Variants in PABPC4L observed in about 807,000 individuals in gnomAD.
The protein encoded by PABPC4L is poly(A) binding protein cytoplasmic 4 like, also known as polyadenylate-binding protein 4-like.
For missense variants in PABPC4L, 452 were observed against 451.4 expected (o/e 1.00, Z -0.01); for synonymous variants, 169 against 164.1 (o/e 1.03, Z -0.23).
chr4:133,955,924 T>A, the PABPC4L span, among the ~76,000 whole-genome samples: 1 of 152,296 alleles, frequency 6.6e-6, no homozygotes, highest in East Asian at 1.9e-4. Flanking sequence ...CCCCTGGTTA[T>A]TGGATGTGTC....
the PABPC4L span, among the ~76,000 whole-genome samples, chr4:134,189,492 C>T: frequency 7.2e-5 from 11 of 151,804 alleles, 1 homozygote; most frequent in Middle Eastern, 6.8e-3. Flanking sequence ...TACATATATA[C>T]ATGGTATAAA....
the PABPC4L span, among the ~76,000 whole-genome samples, chr4:133,969,171 C>G: frequency 6.6e-6 from 1 of 152,184 alleles, no homozygotes; most frequent in African/African-American, 2.4e-5. Flanking sequence ...ACTCTATATA[C>G]ACTTGATACA....
the PABPC4L span, among the ~76,000 whole-genome samples, chr4:134,026,861 G>T: frequency 6.6e-6 from 1 of 151,998 alleles, no homozygotes; most frequent in Admixed American, 6.6e-5. Flanking sequence ...AAGATTGCCA[G>T]ACAAACATCA....
chr4:133,998,754 T>C, the PABPC4L span, among the ~76,000 whole-genome samples: 1 of 152,060 alleles, frequency 6.6e-6, no homozygotes, highest in Admixed American at 6.6e-5. Context: ...TTTTCTAATG[T>C]TGGCATGGAG....
At chr4:134,043,541 C>T in the PABPC4L span, among the ~76,000 whole-genome samples, 3 of 151,906 alleles carry the variant, frequency 2.0e-5, 1 homozygote, top group Non-Finnish European at 4.4e-5. Context: ...ATTATTGCAC[C>T]AACCTAATAT....
At chr4:134,050,171 T>C in the PABPC4L span, among the ~76,000 whole-genome samples, 1 of 152,102 alleles carries the variant, frequency 6.6e-6, no homozygotes, top group Non-Finnish European at 1.5e-5. Context: ...TTTTTCAACA[T>C]CATGGGTTTG....
At chr4:134,144,640 T>C in the PABPC4L span, among the ~76,000 whole-genome samples, 32 of 151,368 alleles carry the variant, frequency 2.1e-4, no homozygotes, top group African/African-American at 6.8e-4. Flanking sequence ...TTAAACCTAC[T>C]ATAAACTAGT....
At chr4:133,985,731 T>A in the PABPC4L span, among the ~76,000 whole-genome samples, 1 of 152,016 alleles carries the variant, frequency 6.6e-6, no homozygotes, top group South Asian at 2.1e-4. Flanking sequence ...TGTTTTTGTT[T>A]TGTCATCTCT....
chr4:134,124,577 C>T, the PABPC4L span, among the ~76,000 whole-genome samples: 1 of 152,034 alleles, frequency 6.6e-6, no homozygotes, highest in Non-Finnish European at 1.5e-5. Context: ...ATTTACATTT[C>T]TTTCTATATT....
At chr4:134,186,996 C>T in the PABPC4L span, among the ~76,000 whole-genome samples, 174 of 152,138 alleles carry the variant, frequency 1.1e-3, no homozygotes, top group South Asian at 0.024. Context: ...CAATGAGATA[C>T]CATCTCACAC....
the PABPC4L span, among the ~76,000 whole-genome samples, chr4:134,133,366 TTA>T: frequency 7.0e-6 from 1 of 143,172 alleles, no homozygotes; most frequent in African/African-American, 2.6e-5. Flanking sequence ...TATATAATTG[TTA>T]TATAATTATA....
At chr4:134,076,589 G>A in the PABPC4L span, among the ~76,000 whole-genome samples, 1 of 152,084 alleles carries the variant, frequency 6.6e-6, no homozygotes, top group Admixed American at 6.6e-5. Context: ...GTAACTAGTG[G>A]TACCATTTTG....
chr4:134,184,677 A>G, the PABPC4L span, among the ~76,000 whole-genome samples: 6 of 152,016 alleles, frequency 3.9e-5, no homozygotes, highest in Non-Finnish European at 5.9e-5. Context: ...TGGTGTGGAC[A>G]TAACTTTTCA....
the PABPC4L span, among the ~76,000 whole-genome samples, chr4:134,107,892 A>G: frequency 5.3e-5 from 8 of 151,526 alleles, no homozygotes; most frequent in Admixed American, 1.3e-4. Context: ...TTTAAATTCT[A>G]TGTTGACCCA....
the PABPC4L span, among the ~76,000 whole-genome samples, chr4:134,075,868 A>G: frequency 6.6e-6 from 1 of 152,132 alleles, no homozygotes; most frequent in Non-Finnish European, 1.5e-5. Flanking sequence ...GCATGTATCC[A>G]TTGATTCCAA....
chr4:134,092,980 C>A, the PABPC4L span, among the ~76,000 whole-genome samples: 1 of 151,712 alleles, frequency 6.6e-6, no homozygotes, highest in Non-Finnish European at 1.5e-5. Context: ...CTTTTTCTAG[C>A]GAATTACTCA....
chr4:134,114,544 G>T, the PABPC4L span, among the ~76,000 whole-genome samples: 14 of 151,772 alleles, frequency 9.2e-5, no homozygotes, highest in Non-Finnish European at 1.6e-4. Flanking sequence ...ACTGGGGGAA[G>T]GACTTCCATC....
the PABPC4L span, among the ~76,000 whole-genome samples, chr4:134,154,349 G>C: frequency 1.3e-5 from 2 of 151,956 alleles, no homozygotes; most frequent in Non-Finnish European, 2.9e-5. Flanking sequence ...CCAGCTACTT[G>C]GGAGGCTGAG....
chr4:134,192,986 C>A (rs1729554508), downstream of PABPC4L, among the ~76,000 whole-genome samples: 1 of 152,018 alleles, frequency 6.6e-6, no homozygotes, highest in Non-Finnish European at 1.5e-5. Context: ...CTTAAAATTT[C>A]TGCAATTTTC....
Sources: gnomAD v4.1 joint callset for allele counts (sites outside exome capture counted in the v4.1 genomes callset) on GRCh38, gnomAD v4.1.1 for gene constraint, MANE v1.5 for transcripts, NCBI Gene and HGNC (gene_info 2026-07-23, HGNC 2026-07-21) for gene names.